DMKN: variants seen among roughly 807,000 people sequenced by gnomAD.
The protein encoded by DMKN is epidermis-specific secreted protein SK30/SK89.
Under a neutral mutation model 67.6 loss-of-function variants are expected in DMKN, and 58 were observed. The ratio of observed to expected loss-of-function variants is 0.86; its 90% confidence interval spans 0.69 to 1.07. The LOEUF is 1.07. Among genes scored for constraint, DMKN ranks in the 50% least tolerant of loss-of-function variants. DMKN has a pLI of 0.00. For missense variants in DMKN, 596 were observed against 601.5 expected (o/e 0.99, Z 0.10); for synonymous variants, 240 against 232.3 (o/e 1.03, Z -0.30).
intron 1 of DMKN, 21 bp from the exon 2 acceptor site, chr19:35,512,811 C>A (rs938811487): frequency 1.0e-5 from 16 of 1,608,028 alleles, no homozygotes; most frequent in African/African-American, 4.0e-5. Flanking sequence ...AACATACCTG[C>A]ACTTAGTGGG....
At chr19:35,500,174 A>G (rs2068110997) in intron 12 of DMKN, 145 bp from the exon 13 acceptor site, 3 of 1,193,140 alleles carry the variant, frequency 2.5e-6, no homozygotes, top group Non-Finnish European at 3.6e-6. Context: ...TTTCTTTTAT[A>G]CAATCTCCTC....
chr19:35,505,769 T>C lies in DMKN; in HGVS notation c.1087-4A>G. Reference sequence around the variant, plus strand: ...AACCCAGCTTGGATTTAAAATTCTATGGAGGAAACAAAAAGAAGAATGGCC... The same window carrying C: ...AACCCAGCTTGGATTTAAAATTCTACGGAGGAAACAAAAAGAAGAATGGCC... On this transcript the variant is annotated splice_region_variant and splice_polypyrimidine_tract_variant and intron_variant, in intron 8 of 15. Coordinates refer to ENST00000339686, the MANE Select transcript of DMKN (RefSeq NM_033317.5). 4 of 1,614,092 alleles carry C rather than the reference T, an allele frequency of 2.5e-6. No homozygotes were observed. The highest frequency in any genetic ancestry group is 2.5e-6 in the Non-Finnish European group (3 of 1,180,024).
chr19:35,504,079 G>C (rs1167056892), intron 9 of DMKN, among the ~76,000 whole-genome samples: 8 of 152,092 alleles, frequency 5.3e-5, no homozygotes, highest in African/African-American at 1.9e-4. Flanking sequence ...TGCTTTCTAG[G>C]AGATCTGCCC....
At chr19:35,511,196 G>C (rs949935153) in intron 5 of DMKN, among the ~76,000 whole-genome samples, 3 of 152,212 alleles carry the variant, frequency 2.0e-5, no homozygotes, top group African/African-American at 7.2e-5. Context: ...AGAGTCAGAA[G>C]CAGTGGGGTG....
At chr19:35,504,458 A>AGGCG (rs2069041966) in intron 9 of DMKN, among the ~76,000 whole-genome samples, 2 of 151,568 alleles carry the variant, frequency 1.3e-5, no homozygotes, top group African/African-American at 4.9e-5. Context: ...GCACCTGTAA[A>AGGCG]CTCAGCTACT....
At chr19:35,499,151 C>T in intron 13 of DMKN, 3 of 561,118 alleles carry the variant, frequency 5.3e-6, no homozygotes, top group Non-Finnish European at 9.4e-6. Flanking sequence ...GTCAAAAGAG[C>T]ATAGGCCTCG....
Position 35,509,891 on chromosome 19 carries a change from T to TA in DMKN, c.1038+19dup, listed in dbSNP as rs1261191802. 1.2e-6 allele frequency: 2 copies of TA among 1,614,126 alleles called. No individual in the cohort carries two copies. The highest frequency in any genetic ancestry group is 1.7e-5 in the Admixed American group (1 of 60,012). On this transcript the variant is annotated intron_variant, in intron 7 of 15. Transcript: ENST00000339686. The stretch of plus-strand genomic sequence containing the variant: ...CAGGAACTGCAGTCCCCAGGAGACT[T>TA]AAGAGACTTTGGCTCTCACCTGAAT...
In DMKN at chr19:35,511,579, T is replaced by G; in HGVS notation, c.750A>C (p.Ser250=). 6.2e-7 allele frequency: 1 copy of G among 1,607,366 alleles called. No individual in the cohort carries two copies. Among genetic ancestry groups the G allele is most frequent in the South Asian group, 1.1e-5 (1 of 90,078 alleles). The change falls in exon 5 of 16, where the codon TCA becomes TCC. Residue 250 remains serine (S), a synonymous_variant. Transcript: ENST00000339686. The part of the protein sequence containing the change: ...GSSNSGGGSG[S]QSGSSGSGSN... ...TGCCACTGCCACTGCTGCCCGACTG[T>G]GAGCCGCTGCCTCCCTGAGGGGCAG...
intron 7 of DMKN, chr19:35,506,218 G>T: frequency 1.4e-6 from 2 of 1,473,056 alleles, no homozygotes; most frequent in East Asian, 2.5e-5. Context: ...GATGTCCAAG[G>T]CTTATGCTTC....
intron 11 of DMKN, among the ~76,000 whole-genome samples, chr19:35,501,071 A>G (rs1426066982): frequency 6.6e-6 from 1 of 152,238 alleles, no homozygotes; most frequent in Admixed American, 6.5e-5. Flanking sequence ...GAGAAATACA[A>G]GAAAACAGAT....
chr19:35,502,173 T>G lies in DMKN; in HGVS notation c.1202A>C (p.Gln401Pro). ...YFSRLWEDFK[Q>P]NTPFLNWKAI... Reference sequence around the variant, plus strand: ...TTTCCAGTTGAGGAAAGGAGTGTTCTGTTTGAAATCCTGCAGGGAGAAGGA... The same window carrying G: ...TTTCCAGTTGAGGAAAGGAGTGTTCGGTTTGAAATCCTGCAGGGAGAAGGA... Residue 401 changes from glutamine (Q) to proline (P), a missense_variant, in exon 11 of 16, where the codon CAG (glutamine) becomes CCG (proline). Gln to Pro is a moderately conservative substitution (Grantham distance 76). Coordinates refer to ENST00000339686, the MANE Select transcript of DMKN (RefSeq NM_033317.5). The G allele has an allele frequency of 1.2e-6, 2 of 1,614,160 alleles. No individual in the cohort carries two copies. Among genetic ancestry groups the G allele is most frequent in the Non-Finnish European group, 1.7e-6 (2 of 1,180,038 alleles).
chr19:35,502,428 G>A (rs534915249), intron 10 of DMKN, among the ~76,000 whole-genome samples: 2 of 152,236 alleles, frequency 1.3e-5, no homozygotes, highest in East Asian at 1.9e-4. Flanking sequence ...GGCTGGGCGC[G>A]GTGGCTCACG....
At chr19:35,506,545 C>T (rs1323326896) in intron 7 of DMKN, 2 of 487,978 alleles carry the variant, frequency 4.1e-6, no homozygotes, top group Non-Finnish European at 8.1e-6. Flanking sequence ...CTGGACTCCA[C>T]AACACCTTGG....
At chr19:35,508,362 G>T in intron 7 of DMKN, 1 of 1,170,112 alleles carries the variant, frequency 8.5e-7, no homozygotes, top group Non-Finnish European at 1.2e-6. Context: ...TTTTGGAACT[G>T]GTCCAAACAC....
At chr19:35,498,620 T>C in intron 15 of DMKN, 96 bp downstream of exon 15, 1 of 1,543,832 alleles carries the variant, frequency 6.5e-7, no homozygotes, top group African/African-American at 1.4e-5. Flanking sequence ...CGCTGCCCAC[T>C]GAGATCTGAG....
chr19:35,506,643 C>A, intron 7 of DMKN: 4 of 449,346 alleles, frequency 8.9e-6, no homozygotes, highest in Non-Finnish European at 9.0e-6. Flanking sequence ...GAAGCTCAGG[C>A]TCGGAGAGGT....
In DMKN at chr19:35,502,836, G is replaced by C; in HGVS notation, c.1185C>G (p.Leu395=). 5 of 1,614,126 alleles carry C rather than the reference G, an allele frequency of 3.1e-6. No individual in the cohort carries two copies. Among genetic ancestry groups the C allele is most frequent in the Non-Finnish European group, 4.2e-6 (5 of 1,180,022 alleles). Residue 395 remains leucine (L), a synonymous_variant, in exon 10 of 16, where the codon CTC becomes CTG. Transcript: ENST00000339686. ...STRALLYFSR[L]WEDFKQNTPF... ...ACAGCAAGAATTCTCCTACCTCCCA[G>C]AGTCGGCTGAAGTAGAGGAGGGCTC... is the stretch of plus-strand genomic sequence containing the variant.
At chr19:35,503,506 C>T (rs1414074341) in intron 9 of DMKN, 10 of 1,531,494 alleles carry the variant, frequency 6.5e-6, no homozygotes, top group Admixed American at 2.1e-5. Flanking sequence ...GATGGAGTCT[C>T]GCTCTGTCGC....
chr19:35,503,621 G>A (rs543130531), intron 9 of DMKN, among the ~76,000 whole-genome samples: 4 of 152,114 alleles, frequency 2.6e-5, no homozygotes, highest in South Asian at 4.2e-4. Flanking sequence ...GACTACAGGC[G>A]CACACCACCA....
Sources: allele counts gnomAD v4.1 joint callset (sites outside exome capture counted in the v4.1 genomes callset), GRCh38; gene constraint gnomAD v4.1.1; transcripts MANE v1.5; gene names NCBI Gene and HGNC (gene_info 2026-07-23, HGNC 2026-07-21).